The following POU6F2 variants were observed in gnomAD, a reference collection of about 807,000 sequenced individuals.
The protein encoded by POU6F2 is POU domain, class 6, transcription factor 2.
POU6F2 carries 31 observed loss-of-function variants against 71.3 expected under a neutral mutation model. That is an observed-to-expected ratio of 0.43 (90% confidence interval 0.33 to 0.59). POU6F2 has a LOEUF of 0.59. Among genes scored for constraint, POU6F2 ranks in the 20% least tolerant of loss-of-function variants. The pLI, the probability that POU6F2 is intolerant of heterozygous loss-of-function variation, is 0.04. For synonymous variants in POU6F2, 347 were observed against 355.7 expected (o/e 0.98, Z 0.27); for missense variants, 783 against 856.8 (o/e 0.91, Z 1.07).
At position 39,275,748 on chromosome 7, in the gene POU6F2, C is replaced by T; in HGVS notation, c.599-63894C>T. Among the ~76,000 whole-genome samples the T allele has an allele frequency of 1.3e-5, 2 of 151,928 alleles. 1 individual carries two copies. Among genetic ancestry groups the T allele is most frequent in the East Asian group, 3.9e-4 (2 of 5,182 alleles). On this transcript the variant is annotated intron_variant, in intron 4 of 9. Transcript: ENST00000518318. The stretch of plus-strand genomic sequence containing the variant: ...AACAGAGCCCTCAGAAATAACGCCG[C>T]ATATCTACAACTATCTGATCTTTGA...
At chr7:39,010,406 TTCTC>T (rs1276341648) in intron 1 of POU6F2, among the ~76,000 whole-genome samples, 1 of 151,086 alleles carries the variant, frequency 6.6e-6, no homozygotes, top group African/African-American at 2.4e-5. Context: ...TATTTGATTC[TTCTC>T]TCTTTTTTTC....
chr7:39,278,136 T>C (rs12536943), intron 4 of POU6F2, among the ~76,000 whole-genome samples: 72,119 of 142,508 alleles, frequency 0.51, 19,233 homozygotes, highest in East Asian at 0.69. Context: ...AGGAATCAAA[T>C]GGTGGGGGAC....
At chr7:39,451,878 A>G (rs1263952876) in intron 8 of POU6F2, among the ~76,000 whole-genome samples, 177 bp downstream of exon 8, 1 of 152,142 alleles carries the variant, frequency 6.6e-6, no homozygotes, top group Non-Finnish European at 1.5e-5. Context: ...CCAGGACCAG[A>G]TGGTTCCTTA....
At chr7:39,410,238 G>A (rs1035023325) in intron 6 of POU6F2, among the ~76,000 whole-genome samples, 18 of 151,958 alleles carry the variant, frequency 1.2e-4, no homozygotes, top group Admixed American at 1.0e-3. Flanking sequence ...CTACTTGGGA[G>A]GCGGAGGTTG....
At chr7:39,080,462 T>C (rs1791094342) in intron 1 of POU6F2, among the ~76,000 whole-genome samples, 1 of 152,190 alleles carries the variant, frequency 6.6e-6, no homozygotes, top group Admixed American at 6.5e-5. Context: ...ATGTAGGTAA[T>C]TTGTTTCTAT....
intron 1 of POU6F2, among the ~76,000 whole-genome samples, chr7:39,026,858 TGGA>T (rs1789816960): frequency 6.6e-6 from 1 of 152,132 alleles, no homozygotes; most frequent in Non-Finnish European, 1.5e-5. Context: ...ACTATGATGA[TGGA>T]GTAACCTAGG....
chr7:39,007,644 T>TC (rs1789115714), intron 1 of POU6F2, among the ~76,000 whole-genome samples: 1 of 152,186 alleles, frequency 6.6e-6, no homozygotes, highest in African/African-American at 2.4e-5. Context: ...TCATCTAGCA[T>TC]TAGGTATATA....
chr7:39,072,919 C>T (rs963705178), intron 1 of POU6F2, among the ~76,000 whole-genome samples: 4 of 152,124 alleles, frequency 2.6e-5, no homozygotes, highest in East Asian at 1.9e-4. Flanking sequence ...GAACACATTG[C>T]GTAAACATGA....
chr7:39,399,499 A>G (rs1583574441), intron 5 of POU6F2, among the ~76,000 whole-genome samples: 1 of 152,210 alleles, frequency 6.6e-6, no homozygotes, highest in Non-Finnish European at 1.5e-5. Flanking sequence ...GAATAGAGGG[A>G]AACATGATTA....
intron 6 of POU6F2, 120 bp from the exon 7 acceptor site, chr7:39,432,957 T>C: frequency 1.1e-6 from 1 of 929,380 alleles, no homozygotes; most frequent in Admixed American, 2.3e-5. Flanking sequence ...CCAGAGCTGC[T>C]TGCAGATTCT....
intron 1 of POU6F2, among the ~76,000 whole-genome samples, chr7:39,070,801 T>C (rs914059915): frequency 6.6e-6 from 1 of 152,162 alleles, no homozygotes; most frequent in African/African-American, 2.4e-5. Context: ...CCTGCTTTGT[T>C]TTTGTTCATA....
chr7:39,333,292 A>G (rs1272595607), intron 4 of POU6F2, among the ~76,000 whole-genome samples: 1 of 152,206 alleles, frequency 6.6e-6, no homozygotes, highest in African/African-American at 2.4e-5. Flanking sequence ...TAAAATGTCA[A>G]CAAAGGCGGT....
At chr7:39,017,522 C>G (rs1313310771) in intron 1 of POU6F2, among the ~76,000 whole-genome samples, 12 of 152,104 alleles carry the variant, frequency 7.9e-5, no homozygotes, top group Admixed American at 7.9e-4. Context: ...TTACTGTATC[C>G]CTGGCTGGAA....
intron 2 of POU6F2, among the ~76,000 whole-genome samples, chr7:39,149,885 C>CT (rs70977463): frequency 0.39 from 55,322 of 142,080 alleles, 11,298 homozygotes; most frequent in African/African-American, 0.51. Flanking sequence ...GCAAGATTTC[C>CT]TTTTTTTTTT....
At chr7:39,100,282 G>C (rs1791541591) in intron 2 of POU6F2, among the ~76,000 whole-genome samples, 1 of 152,230 alleles carries the variant, frequency 6.6e-6, no homozygotes, top group African/African-American at 2.4e-5. Context: ...CCAAGGGTTT[G>C]AACATGCTGT....
intron 4 of POU6F2, among the ~76,000 whole-genome samples, chr7:39,220,042 T>G (rs1240821467): frequency 1.3e-5 from 2 of 152,204 alleles, no homozygotes; most frequent in African/African-American, 4.8e-5. Context: ...ATAATTTGAT[T>G]GATTTGTTTT....
rs115279242 is a variant in POU6F2, at chr7:39,157,184, A to G, written c.278-47051A>G. Among the ~76,000 whole-genome samples the G allele has an allele frequency of 6.0e-3, 917 of 152,266 alleles. 10 individuals are homozygous for G. Among genetic ancestry groups the G allele is most frequent in the African/African-American group, 0.021 (883 of 41,540 alleles). On this transcript the variant is annotated intron_variant, in intron 2 of 9. Coordinates refer to ENST00000518318, the MANE Select transcript of POU6F2 (RefSeq NM_001370959.1). ...AGTGAGCAGTTAAGGCCTGGTGCAT[A>G]TAATGTTAATATTACATTAAGTACT...
chr7:39,252,032 C>T (rs568142175), intron 4 of POU6F2, among the ~76,000 whole-genome samples: 4 of 152,244 alleles, frequency 2.6e-5, no homozygotes, highest in African/African-American at 7.2e-5. Flanking sequence ...TGTTCCTGTC[C>T]GCCCAATTTC....
At chr7:39,275,376 A>T (rs1241623573) in intron 4 of POU6F2, among the ~76,000 whole-genome samples, 2 of 152,208 alleles carry the variant, frequency 1.3e-5, no homozygotes, top group Non-Finnish European at 2.9e-5. Flanking sequence ...GGAGAACTAC[A>T]AACCACTGCT....
Sources: gnomAD v4.1 joint callset for allele counts (sites outside exome capture counted in the v4.1 genomes callset) on GRCh38, gnomAD v4.1.1 for gene constraint, MANE v1.5 for transcripts, NCBI Gene and HGNC (gene_info 2026-07-23, HGNC 2026-07-21) for gene names.